The following VOPP1 variants were observed in gnomAD, a reference collection of about 807,000 sequenced individuals.
VOPP1 encodes the protein VOPP1 WW domain binding protein.
VOPP1 carries 8 observed loss-of-function variants against 23.5 expected under a neutral mutation model. That is an observed-to-expected ratio of 0.34 (90% CI 0.20 to 0.61). The LOEUF is 0.61. VOPP1 is among the 20% of genes least tolerant of loss of function. The pLI, the probability that VOPP1 is intolerant of heterozygous loss-of-function variation, is 0.78. For missense variants in VOPP1, 174 were observed against 238.1 expected, an observed-to-expected ratio of 0.73 and a Z score of 1.77; for synonymous variants, 83 against 97.3, an observed-to-expected ratio of 0.85 and a Z score of 0.86.
At chr7:55,539,776 G>A (rs1369325150) in intron 1 of VOPP1, 5 of 152,148 alleles carry the variant, frequency 3.3e-5, no homozygotes, top group Admixed American at 1.3e-4. Context: ...CTCAGTAAGT[G>A]GTTGCTGAAC....
At chr7:55,456,324 A>T (rs1791365772) in intron 4 of VOPP1, among the ~76,000 whole-genome samples, 1 of 152,232 alleles carries the variant, frequency 6.6e-6, no homozygotes, top group Non-Finnish European at 1.5e-5. Flanking sequence ...ATGTGGAGAA[A>T]TAGGAATGCT....
intron 4 of VOPP1, among the ~76,000 whole-genome samples, chr7:55,480,673 C>T (rs1476615339): frequency 6.6e-6 from 1 of 152,164 alleles, no homozygotes; most frequent in East Asian, 1.9e-4. Flanking sequence ...GAGCTCAGTT[C>T]ATTTGCTTTT....
chr7:55,448,954 A>T (rs1337078500), intron 4 of VOPP1, among the ~76,000 whole-genome samples: 1 of 152,246 alleles, frequency 6.6e-6, no homozygotes, highest in Non-Finnish European at 1.5e-5. Flanking sequence ...ATGCGATGTA[A>T]TCCTTAGCAG....
At chr7:55,552,663 C>A (rs751299118) in intron 1 of VOPP1, 2 of 1,535,900 alleles carry the variant, frequency 1.3e-6, no homozygotes, top group South Asian at 1.2e-5. Context: ...CATATGACAC[C>A]GCCTTCCAAC....
intron 4 of VOPP1, among the ~76,000 whole-genome samples, chr7:55,449,627 C>T (rs934458395): frequency 6.6e-6 from 1 of 152,222 alleles, no homozygotes; most frequent in Non-Finnish European, 1.5e-5. Context: ...AGCTGCCCCT[C>T]CCTGTGACTG....
intron 3 of VOPP1, among the ~76,000 whole-genome samples, chr7:55,494,211 G>A (rs1389957748): frequency 2.6e-5 from 4 of 152,192 alleles, no homozygotes; most frequent in Non-Finnish European, 4.4e-5. Context: ...CAAAGGGAAC[G>A]GCTTCCTCTC....
chr7:55,532,975 T>C (rs990912972), intron 1 of VOPP1, among the ~76,000 whole-genome samples: 9 of 152,278 alleles, frequency 5.9e-5, no homozygotes, highest in East Asian at 5.8e-4. Context: ...TACAGCAAAT[T>C]TGGGGAGAAA....
chr7:55,482,932 A>G (rs1792851976), intron 4 of VOPP1, among the ~76,000 whole-genome samples: 1 of 152,224 alleles, frequency 6.6e-6, no homozygotes, highest in Non-Finnish European at 1.5e-5. Flanking sequence ...TTTTTTAAAA[A>G]CAAAAGCAAA....
chr7:55,455,862 C>A (rs2129002580), intron 4 of VOPP1, among the ~76,000 whole-genome samples: 1 of 152,236 alleles, frequency 6.6e-6, no homozygotes, highest in African/African-American at 2.4e-5. Flanking sequence ...AGAAGAAAAC[C>A]TAGGCAATAC....
intron 1 of VOPP1, among the ~76,000 whole-genome samples, chr7:55,536,663 G>C (rs559396094): frequency 6.6e-6 from 1 of 152,178 alleles, no homozygotes; most frequent in Admixed American, 6.5e-5. Flanking sequence ...GAGAGAATGA[G>C]GGCAGAGCAC....
chr7:55,463,476 G>A (rs1365513171), intron 4 of VOPP1, among the ~76,000 whole-genome samples: 2 of 152,196 alleles, frequency 1.3e-5, no homozygotes, highest in Non-Finnish European at 2.9e-5. Context: ...TGGTTGGGTA[G>A]GATGCTTTGG....
At chr7:55,536,189 G>C (rs570369250) in intron 1 of VOPP1, among the ~76,000 whole-genome samples, 1 of 152,302 alleles carries the variant, frequency 6.6e-6, no homozygotes, top group East Asian at 1.9e-4. Context: ...TATACACCCT[G>C]AAGTATGGAG....
At chr7:55,532,672 GC>G (rs1220727452) in intron 1 of VOPP1, among the ~76,000 whole-genome samples, 1 of 152,066 alleles carries the variant, frequency 6.6e-6, no homozygotes, top group African/African-American at 2.4e-5. Context: ...GAAAAATACA[GC>G]TCAAAGCAAT....
intron 4 of VOPP1, among the ~76,000 whole-genome samples, chr7:55,490,774 G>A (rs1473140184): frequency 6.6e-6 from 1 of 152,192 alleles, no homozygotes. Context: ...TCCACTTACG[G>A]ATTCAAAATG....
intron 2 of VOPP1, among the ~76,000 whole-genome samples, chr7:55,517,116 A>AT (rs977502889): frequency 1.3e-5 from 2 of 149,380 alleles, no homozygotes; most frequent in African/African-American, 2.5e-5. Context: ...ATATATATAT[A>AT]TTTTTTTATT....
At chr7:55,514,925 G>A (rs1411808352) in intron 2 of VOPP1, among the ~76,000 whole-genome samples, 5 of 152,204 alleles carry the variant, frequency 3.3e-5, no homozygotes, top group Non-Finnish European at 5.9e-5. Flanking sequence ...AGCTGGGGCC[G>A]TGCAGTGCTG....
At chr7:55,568,768 G>T (rs1304177310) in intron 1 of VOPP1, among the ~76,000 whole-genome samples, 1 of 152,208 alleles carries the variant, frequency 6.6e-6, no homozygotes, top group Non-Finnish European at 1.5e-5. Context: ...GGATTCAACT[G>T]AAGTGTAGTC....
chr7:55,500,774 T>C (rs1794310587), intron 2 of VOPP1, among the ~76,000 whole-genome samples: 1 of 152,226 alleles, frequency 6.6e-6, no homozygotes, highest in Non-Finnish European at 1.5e-5. Context: ...ATGTTTGAAA[T>C]AAGCTTAGAA....
In VOPP1 at chr7:55,473,057, A is replaced by T; in HGVS notation, c.329-12T>A. 6.3e-7 allele frequency: 1 copy of T among 1,595,882 alleles called. No individual in the cohort carries two copies. Among genetic ancestry groups the T allele is most frequent in the Non-Finnish European group, 8.5e-7 (1 of 1,172,808 alleles). ...CGGCTGCTGGGCTCCTGAAAGACAGACAAACATAGGTGAGCACAGAAGGGA... is the reference window on the plus strand; with the variant it reads ...CGGCTGCTGGGCTCCTGAAAGACAGTCAAACATAGGTGAGCACAGAAGGGA... On this transcript the variant is annotated splice_polypyrimidine_tract_variant and intron_variant, in intron 4 of 4. Coordinates refer to ENST00000285279, the MANE Select transcript of VOPP1 (RefSeq NM_030796.5).
Sources: gnomAD v4.1 joint callset for allele counts (sites outside exome capture counted in the v4.1 genomes callset) on GRCh38, gnomAD v4.1.1 for gene constraint, MANE v1.5 for transcripts, NCBI Gene and HGNC (gene_info 2026-07-23, HGNC 2026-07-21) for gene names.